The following WBP2NL variants were observed in gnomAD, a reference collection of about 807,000 sequenced individuals.
WBP2NL encodes the protein postacrosomal sheath WW domain-binding protein.
Under a neutral mutation model 23.3 loss-of-function variants are expected in WBP2NL, and 27 were observed. The observed-to-expected ratio is 1.16, with a 90% CI of 0.85 to 1.60. The LOEUF (loss-of-function observed/expected upper bound fraction) is 1.60. Among genes scored for constraint, WBP2NL ranks in the 40% most tolerant of loss-of-function variants. The probability of loss-of-function intolerance (pLI) is 0.00; values close to 1 mark genes in which losing one functional copy is unlikely to be tolerated. For missense variants in WBP2NL, 370 were observed against 389.5 expected, an observed-to-expected ratio of 0.95 and a Z score of 0.42; for synonymous variants, 151 against 145.9, an observed-to-expected ratio of 1.03 and a Z score of -0.25.
At chr22:42,033,739 G>GCTC (rs1925077057), downstream of WBP2NL, among the ~76,000 whole-genome samples, 1 of 152,142 alleles carries the variant, frequency 6.6e-6, no homozygotes, top group Admixed American at 6.5e-5. Flanking sequence ...CAACAGAGAG[G>GCTC]GGTCCTGGAA....
At chr22:42,015,337 T>C (rs900213407) in intron 1 of WBP2NL, among the ~76,000 whole-genome samples, 5 of 152,202 alleles carry the variant, frequency 3.3e-5, no homozygotes, top group African/African-American at 7.2e-5. Flanking sequence ...TGTTGGAGCA[T>C]GAGCGTGCCT....
At chr22:42,021,231 TC>T (rs1381614652) in intron 4 of WBP2NL, among the ~76,000 whole-genome samples, 1 of 151,976 alleles carries the variant, frequency 6.6e-6, no homozygotes, top group African/African-American at 2.4e-5. Context: ...GTCCTTGCGA[TC>T]TTTAACCCAT....
intron 8 of WBP2NL, among the ~76,000 whole-genome samples, chr22:42,049,705 CAAAAAA>C (rs1158837575): frequency 0.012 from 436 of 37,482 alleles, 7 homozygotes; most frequent in East Asian, 0.089. Context: ...CAAAACAAAA[CAAAAAA>C]AAAAAAAAAA....
downstream of WBP2NL, among the ~76,000 whole-genome samples, chr22:42,033,277 A>C (rs1047109417): frequency 6.6e-6 from 1 of 152,144 alleles, no homozygotes; most frequent in African/African-American, 2.4e-5. Context: ...GGCACCAGGG[A>C]AAAGGTGGTG....
intron 1 of WBP2NL, among the ~76,000 whole-genome samples, chr22:41,999,372 G>A (rs954862017): frequency 1.3e-5 from 2 of 152,216 alleles, no homozygotes; most frequent in African/African-American, 4.8e-5. Flanking sequence ...GTCGAGTGTG[G>A]ATCATTCTGG....
intron 1 of WBP2NL, among the ~76,000 whole-genome samples, chr22:42,018,225 G>C (rs1448532572): frequency 6.7e-6 from 1 of 149,942 alleles, no homozygotes; most frequent in African/African-American, 2.5e-5. Context: ...CTGAATGGGA[G>C]GATCACCTGA....
chr22:42,008,864 C>T (rs1480674335), intron 1 of WBP2NL, among the ~76,000 whole-genome samples: 5 of 151,106 alleles, frequency 3.3e-5, no homozygotes, highest in Non-Finnish European at 4.4e-5. Context: ...CTGCAAGCTC[C>T]GCCTCCCAGG....
chr22:42,013,956 A>T (rs939370352), intron 1 of WBP2NL, among the ~76,000 whole-genome samples: 5 of 151,376 alleles, frequency 3.3e-5, no homozygotes, highest in African/African-American at 7.3e-5. Context: ...TATTTTTTGT[A>T]TTTTTAGTAG....
rs1556300633 is a variant in WBP2NL, at chr22:42,028,177, T to C, written c.*996T>C. 2.5e-6 allele frequency: 1 copy of C among 398,190 alleles called. No homozygotes were observed. 24.7% of individuals were successfully genotyped at this position (398,190 alleles called of 1,614,324 possible). A position where few individuals can be genotyped will look rare whatever the true frequency, so the allele number is the denominator to read the frequency against. On this transcript the variant is annotated 3_prime_UTR_variant, in exon 6 of 6. Transcript: ENST00000328823. ...TAATAGGAAATATATGAATAGGCTA[T>C]GGTATGCCCATACTACGTATGCAGA...
At chr22:41,998,975 C>A (rs1921237486) in intron 1 of WBP2NL, 95 bp downstream of exon 1, 3 of 1,419,864 alleles carry the variant, frequency 2.1e-6, no homozygotes, top group East Asian at 2.6e-5. Context: ...AGGGACTTTG[C>A]CGCCTTTTTT....
At chr22:42,001,381 T>C in intron 1 of WBP2NL, 1 of 714,906 alleles carries the variant, frequency 1.4e-6, no homozygotes, top group South Asian at 1.6e-5. Flanking sequence ...TGCAGTGTCA[T>C]AGTTACCGAA....
chr22:42,029,038 TTTCAGCCCCTTCA>T (rs1299760450), downstream of WBP2NL, among the ~76,000 whole-genome samples: 1 of 152,216 alleles, frequency 6.6e-6, no homozygotes, highest in Non-Finnish European at 1.5e-5. Context: ...GTTTCAAGGC[TTTCAGCCCCTTCA>T]GAGCTCACCA....
rs1487215760 is a variant in WBP2NL, at chr22:42,027,264, T to C, written c.*83T>C. On this transcript the variant is annotated 3_prime_UTR_variant, in exon 6 of 6. Transcript: ENST00000328823. ...GTCAGGATAAGGAGGACGACTCAGG[T>C]ATGTGATCACAGGCTTCTCGCAGGT... The C allele has an allele frequency of 2.7e-6, 4 of 1,492,916 alleles. No homozygotes were observed. In the East Asian group the frequency reaches 6.9e-5, roughly 26 times the overall value. The allele number at this position is 1,492,916 out of a possible 1,614,324, so 92.5% of individuals were successfully genotyped here. A position where few individuals can be genotyped will look rare whatever the true frequency, so the allele number is the denominator to read the frequency against.
At chr22:42,025,577 T>C (rs898712966) in intron 5 of WBP2NL, among the ~76,000 whole-genome samples, 1 of 152,172 alleles carries the variant, frequency 6.6e-6, no homozygotes, top group Admixed American at 6.5e-5. Flanking sequence ...GAAGAGACTG[T>C]TTTTTTCCCA....
chr22:42,035,451 C>T (rs1369542945), downstream of WBP2NL, among the ~76,000 whole-genome samples: 1 of 152,268 alleles, frequency 6.6e-6, no homozygotes, highest in African/African-American at 2.4e-5. Flanking sequence ...AGGAAGCTCT[C>T]ACCCCAACTT....
chr22:42,020,006 G>A lies in WBP2NL; in HGVS notation c.316G>A (p.Gly106Ser). 1 of 1,613,538 alleles carries A rather than the reference G, an allele frequency of 6.2e-7. No homozygotes were observed. The highest frequency in any genetic ancestry group is 8.5e-7 in the Non-Finnish European group (1 of 1,179,712). Residue 106 changes from glycine to serine, a missense_variant and splice_region_variant, in exon 4 of 6, where the codon GGC (glycine) becomes AGC (serine). Coordinates refer to ENST00000328823, the MANE Select transcript of WBP2NL (RefSeq NM_152613.3). ...KGTIQAAPYG[G>S]WEGQATFKLV... ...GTGTGTGCCATTTCTTCCCCCAGGTGGCTGGGAAGGACAAGCTACTTTTAA... is the reference window on the plus strand; with the variant it reads ...GTGTGTGCCATTTCTTCCCCCAGGTAGCTGGGAAGGACAAGCTACTTTTAA...
rs1924685864 is a variant in WBP2NL, at chr22:42,028,300, C to T, written c.*1119C>T. On this transcript the variant is annotated 3_prime_UTR_variant, in exon 6 of 6. Coordinates refer to ENST00000328823, the MANE Select transcript of WBP2NL (RefSeq NM_152613.3). ...TCAGACTGAATGCCCCATTTTATAA[C>T]AAATATTTATATTTTATAACAAACG... 2 of 377,800 alleles carry T rather than the reference C, an allele frequency of 5.3e-6. No individual in the cohort carries two copies. The highest frequency in any genetic ancestry group is 1.5e-4 in the South Asian group (1 of 6,830). 23.4% of individuals were successfully genotyped at this position (377,800 alleles called of 1,614,324 possible). A position where few individuals can be genotyped will look rare whatever the true frequency, so the allele number is the denominator to read the frequency against.
chr22:42,005,021 A>C (rs1255791620), intron 1 of WBP2NL, among the ~76,000 whole-genome samples: 2 of 151,128 alleles, frequency 1.3e-5, no homozygotes, highest in African/African-American at 4.9e-5. Context: ...GTTCGAGACC[A>C]GCCTGACCAA....
intron 4 of WBP2NL, among the ~76,000 whole-genome samples, chr22:42,020,666 ATTC>A (rs146096990): frequency 0.03 from 4,463 of 150,998 alleles, 214 homozygotes; most frequent in African/African-American, 0.1. Flanking sequence ...GCCCTTAGTT[ATTC>A]TTTCTTTGGT....
Sources: allele counts gnomAD v4.1 joint callset (sites outside exome capture counted in the v4.1 genomes callset), GRCh38; gene constraint gnomAD v4.1.1; transcripts MANE v1.5; gene names NCBI Gene and HGNC (gene_info 2026-07-23, HGNC 2026-07-21).